Variants in ASPRV1 observed in about 807,000 individuals in gnomAD.
ASPRV1 encodes the protein retroviral-like aspartic protease 1.
A neutral mutation model predicts 11.0 loss-of-function variants in ASPRV1; 7 were observed. The observed-to-expected ratio is 0.64, with a 90% CI of 0.36 to 1.20. The LOEUF (loss-of-function observed/expected upper bound fraction) is 1.20, where lower values mean the gene tolerates loss of function less well. Among genes scored for constraint, ASPRV1 ranks in the 50% most tolerant of loss-of-function variants. The pLI, the probability that ASPRV1 is intolerant of heterozygous loss-of-function variation, is 0.02. For synonymous variants in ASPRV1, 136 were observed against 138.4 expected (o/e 0.98, Z 0.12); for missense variants, 299 against 320.0 (o/e 0.93, Z 0.50).
chr2:70,047,837 G>A, the ASPRV1 span, among the ~76,000 whole-genome samples: 11 of 152,268 alleles, frequency 7.2e-5, no homozygotes, highest in South Asian at 1.9e-3. Context: ...TAGGCCAGGC[G>A]TGGTGACTCA....
the ASPRV1 span, chr2:70,083,694 A>G: frequency 1.3e-5 from 2 of 152,324 alleles, no homozygotes; most frequent in Non-Finnish European, 2.9e-5. Flanking sequence ...AGGTCTGAGG[A>G]AGGGAGTGGA....
the ASPRV1 span, among the ~76,000 whole-genome samples, chr2:70,048,270 C>T: frequency 1.3e-5 from 2 of 151,030 alleles, no homozygotes; most frequent in Admixed American, 6.6e-5. Context: ...AAAAAATTAG[C>T]CGGGCGTGGT....
the ASPRV1 span, among the ~76,000 whole-genome samples, chr2:70,083,338 C>T: frequency 6.6e-6 from 1 of 152,198 alleles, no homozygotes; most frequent in Non-Finnish European, 1.5e-5. Flanking sequence ...GTAAAATGGG[C>T]ATAAGACCCT....
the ASPRV1 span, among the ~76,000 whole-genome samples, chr2:70,077,818 G>A: frequency 6.6e-6 from 1 of 151,612 alleles, no homozygotes; most frequent in African/African-American, 2.4e-5. Context: ...CGACGCCATT[G>A]CACTCCAGCC....
At chr2:69,990,863 C>T in the ASPRV1 span, among the ~76,000 whole-genome samples, 3 of 152,130 alleles carry the variant, frequency 2.0e-5, no homozygotes, top group Non-Finnish European at 2.9e-5. Flanking sequence ...TAGGCGCCCT[C>T]GGGCCACCTT....
the ASPRV1 span, among the ~76,000 whole-genome samples, chr2:70,058,032 C>T: frequency 2.0e-5 from 3 of 152,066 alleles, no homozygotes; most frequent in Admixed American, 1.3e-4. Context: ...ATCTGCCCAC[C>T]TCAACCTCCC....
At chr2:70,086,712 C>T in the ASPRV1 span, among the ~76,000 whole-genome samples, 1 of 152,236 alleles carries the variant, frequency 6.6e-6, no homozygotes, top group African/African-American at 2.4e-5. Context: ...GACACAAGGG[C>T]AGGAGGTGGG....
At chr2:70,067,441 G>A in the ASPRV1 span, among the ~76,000 whole-genome samples, 1 of 152,168 alleles carries the variant, frequency 6.6e-6, no homozygotes, top group Non-Finnish European at 1.5e-5. Flanking sequence ...GGTAACTGAA[G>A]CTGCCAAAGA....
chr2:69,939,858 C>CCACA, the ASPRV1 span: 2 of 152,512 alleles, frequency 1.3e-5, no homozygotes, highest in African/African-American at 4.8e-5. Flanking sequence ...CACTCGCACA[C>CCACA]CACAGCCTGA....
chr2:70,068,137 T>A, the ASPRV1 span, among the ~76,000 whole-genome samples: 4 of 152,160 alleles, frequency 2.6e-5, no homozygotes, highest in African/African-American at 9.7e-5. Flanking sequence ...GGAGGAGAGA[T>A]CAGACACCAA....
chr2:70,015,890 G>A, the ASPRV1 span: 1 of 152,238 alleles, frequency 6.6e-6, no homozygotes, highest in Non-Finnish European at 1.5e-5. Flanking sequence ...TCGAACCCGG[G>A]AGGAGGAGGT....
the ASPRV1 span, among the ~76,000 whole-genome samples, chr2:70,057,758 C>A: frequency 6.6e-6 from 1 of 151,986 alleles, no homozygotes; most frequent in South Asian, 2.1e-4. Flanking sequence ...GGATTATAGG[C>A]ATGAGCCACT....
At chr2:69,938,285 G>A in the ASPRV1 span, 1 of 1,613,884 alleles carries the variant, frequency 6.2e-7, no homozygotes, top group South Asian at 1.1e-5. Context: ...TGGTCTCTAA[G>A]AGAGTGGGCA....
the ASPRV1 span, chr2:70,056,098 A>G: frequency 6.6e-6 from 1 of 152,160 alleles, no homozygotes; most frequent in Non-Finnish European, 1.5e-5. Context: ...CACACACACA[A>G]AAATACCGTA....
At chr2:69,963,500 C>T (rs923305819), upstream of ASPRV1, 2 of 449,736 alleles carry the variant, frequency 4.4e-6, no homozygotes, top group East Asian at 1.4e-4. Context: ...CATCTGGTCC[C>T]CTGGAAGTGG....
chr2:69,978,822 C>T, the ASPRV1 span, among the ~76,000 whole-genome samples: 1 of 152,198 alleles, frequency 6.6e-6, no homozygotes, highest in Non-Finnish European at 1.5e-5. Flanking sequence ...TGAGGAAACT[C>T]CCAGACGATG....
At chr2:70,081,913 G>A in the ASPRV1 span, among the ~76,000 whole-genome samples, 1 of 151,412 alleles carries the variant, frequency 6.6e-6, no homozygotes, top group Non-Finnish European at 1.5e-5. Flanking sequence ...AAGAGAAATA[G>A]AAAGATAAAT....
chr2:70,033,926 G>A, the ASPRV1 span, among the ~76,000 whole-genome samples: 8 of 151,802 alleles, frequency 5.3e-5, no homozygotes, highest in South Asian at 2.1e-4. Flanking sequence ...AGGCCGAGGC[G>A]GGCAGATCAC....
the ASPRV1 span, chr2:69,935,255 C>T: frequency 4.8e-6 from 4 of 839,700 alleles, no homozygotes; most frequent in African/African-American, 6.8e-5. Context: ...ATCGCAAGGC[C>T]TGGGCAACTT....
Sources: gnomAD v4.1 joint callset for allele counts (sites outside exome capture counted in the v4.1 genomes callset) on GRCh38, gnomAD v4.1.1 for gene constraint, MANE v1.5 for transcripts, NCBI Gene and HGNC (gene_info 2026-07-23, HGNC 2026-07-21) for gene names.